ABCC5: variants seen among roughly 807,000 people sequenced by gnomAD.
ABCC5 encodes ATP-binding cassette sub-family C member 5.
In ABCC5, 61 loss-of-function variants were observed where a neutral mutation model predicts 160.9. The ratio of observed to expected loss-of-function variants is 0.38; its 90% CI spans 0.31 to 0.47. ABCC5 has a LOEUF of 0.47. ABCC5 is among the 20% of genes least tolerant of loss of function. The probability of loss-of-function intolerance (pLI) is 0.99; values close to 1 mark genes in which losing one functional copy is unlikely to be tolerated. For missense variants in ABCC5, 1,308 were observed against 1,813.3 expected, an observed-to-expected ratio of 0.72 and a Z score of 5.06; for synonymous variants, 666 against 700.6, an observed-to-expected ratio of 0.95 and a Z score of 0.78.
At chr3:183,995,619 T>C (rs939865290) in intron 2 of ABCC5, among the ~76,000 whole-genome samples, 1 of 152,204 alleles carries the variant, frequency 6.6e-6, no homozygotes, top group African/African-American at 2.4e-5. Flanking sequence ...TTCTAGACTC[T>C]ATTTCATTGA....
At position 184,017,611 on chromosome 3, in the gene ABCC5, T is replaced by C. The variant is rs1313687613; in HGVS notation, c.-56+219A>G. The stretch of plus-strand genomic sequence containing the variant: ...CTCATCCCGATCCTACCTGCCTGTC[T>C]TCCAGCACACGACCCCGTCACCAGA... On this transcript the variant is annotated intron_variant, in intron 1 of 29. Transcript: ENST00000334444. The surrounding 1 kb of genome is among the most constrained non-coding windows in gnomAD (Gnocchi z 4.5). Among the ~76,000 whole-genome samples the C allele has an allele frequency of 6.6e-6, 1 of 151,944 alleles. No homozygotes were observed. The highest frequency in any genetic ancestry group is 1.5e-5 in the Non-Finnish European group (1 of 67,966).
intron 17 of ABCC5, among the ~76,000 whole-genome samples, chr3:183,956,184 G>A (rs560922528): frequency 2.8e-5 from 4 of 143,130 alleles, no homozygotes; most frequent in East Asian, 2.2e-4. Flanking sequence ...ATGCAGATCC[G>A]TGTGTAAATC....
chr3:183,953,045 A>T, intron 18 of ABCC5, 41 bp downstream of exon 18: 1 of 1,564,478 alleles, frequency 6.4e-7, no homozygotes, highest in Non-Finnish European at 8.7e-7. Context: ...AAACGGCCAC[A>T]TTCTTAGACA....
intron 2 of ABCC5, among the ~76,000 whole-genome samples, chr3:184,009,735 T>G (rs1721541091): frequency 6.6e-6 from 1 of 152,370 alleles, no homozygotes; most frequent in East Asian, 1.9e-4. Flanking sequence ...ATGGGCTTAT[T>G]GTTGTTGTTT....
chr3:183,985,447 C>T (rs1576899563), intron 5 of ABCC5: 1 of 1,313,790 alleles, frequency 7.6e-7, no homozygotes, highest in Non-Finnish European at 1.1e-6. Context: ...CCTGACAGCA[C>T]CAAGCAAGCT....
rs935314979 is a variant in ABCC5 at position 184,017,627 on chromosome 3, C to T, written c.-56+203G>A. On this transcript the variant is annotated intron_variant, in intron 1 of 29. Transcript: ENST00000334444. This position sits in a 1 kb window ranked among gnomAD's most constrained non-coding sequence, Gnocchi z 4.5. ...CTGCCTGTCTTCCAGCACACGACCC[C>T]GTCACCAGACCCCGGGCTCACAGGC... Among the ~76,000 whole-genome samples the T allele has an allele frequency of 6.6e-6, 1 of 152,192 alleles. No individual in the cohort carries two copies.
intron 2 of ABCC5, among the ~76,000 whole-genome samples, chr3:184,001,724 T>C (rs1215514468): frequency 6.6e-6 from 1 of 152,264 alleles, no homozygotes; most frequent in Non-Finnish European, 1.5e-5. Context: ...AGTACTGATA[T>C]AGGCTGACCT....
intron 2 of ABCC5, among the ~76,000 whole-genome samples, chr3:183,997,693 A>G (rs534679666): frequency 6.6e-6 from 1 of 152,286 alleles, no homozygotes; most frequent in South Asian, 2.1e-4. Context: ...TTTCCCTTAC[A>G]TTCTACATAT....
chr3:183,977,944 G>C (rs1718368213), intron 9 of ABCC5, among the ~76,000 whole-genome samples: 1 of 152,090 alleles, frequency 6.6e-6, no homozygotes, highest in Non-Finnish European at 1.5e-5. Flanking sequence ...GTAGAGACAG[G>C]GTTTCACCAT....
At chr3:183,939,151 G>A (rs377029750) in intron 25 of ABCC5, among the ~76,000 whole-genome samples, 9 of 152,234 alleles carry the variant, frequency 5.9e-5, no homozygotes, top group Admixed American at 2.6e-4. Flanking sequence ...ACACTGCATT[G>A]GCCGGGCACG....
At chr3:184,001,922 CT>C (rs1369415474) in intron 2 of ABCC5, among the ~76,000 whole-genome samples, 1 of 152,144 alleles carries the variant, frequency 6.6e-6, no homozygotes, top group Non-Finnish European at 1.5e-5. Context: ...ACAGCAGCTG[CT>C]TTGTCTTAAA....
At chr3:183,966,607 C>G (rs1442663312) in intron 12 of ABCC5, among the ~76,000 whole-genome samples, 2 of 152,114 alleles carry the variant, frequency 1.3e-5, no homozygotes. Flanking sequence ...CCCCTCCCCC[C>G]ATCTCTGTCT....
chr3:183,972,405 C>T (rs191668159), intron 10 of ABCC5, among the ~76,000 whole-genome samples: 1 of 152,312 alleles, frequency 6.6e-6, no homozygotes, highest in East Asian at 1.9e-4. Flanking sequence ...GAGACTGTCA[C>T]AGGCTTACAT....
In ABCC5 at chr3:183,921,274, A is replaced by G; in HGVS notation, c.*26T>C. The G allele has an allele frequency of 7.2e-7, 1 of 1,390,620 alleles. No homozygotes were observed. Among genetic ancestry groups the G allele is most frequent in the Non-Finnish European group, 1.0e-6 (1 of 987,256 alleles). The allele number at this position is 1,390,620 out of a possible 1,614,324, so 86.1% of individuals were successfully genotyped here. A position where few individuals can be genotyped will look rare whatever the true frequency, so the allele number is the denominator to read the frequency against. Reference sequence around the variant, plus strand: ...GCAGGGAATGGCAATGCTCTAAAGAAAAGAGACTTCGTCAACAGGGAGGAG... The same window carrying G: ...GCAGGGAATGGCAATGCTCTAAAGAGAAGAGACTTCGTCAACAGGGAGGAG... On this transcript the variant is annotated 3_prime_UTR_variant, in exon 30 of 30. Coordinates refer to ENST00000334444, the MANE Select transcript of ABCC5 (RefSeq NM_005688.4). This position sits in a 1 kb window ranked among gnomAD's most constrained non-coding sequence, Gnocchi z 4.1.
At chr3:183,948,889 A>G (rs933887155) in intron 22 of ABCC5, among the ~76,000 whole-genome samples, 5 of 151,860 alleles carry the variant, frequency 3.3e-5, no homozygotes, top group Non-Finnish European at 5.9e-5. Flanking sequence ...ATTTTAGTAG[A>G]GACAAGGTTC....
At chr3:184,011,762 A>T (rs1721764682) in intron 2 of ABCC5, among the ~76,000 whole-genome samples, 1 of 152,226 alleles carries the variant, frequency 6.6e-6, no homozygotes, top group African/African-American at 2.4e-5. Flanking sequence ...TTAGATGGCT[A>T]TCAAGGGAGT....
chr3:183,995,900 C>A (rs546912165), intron 2 of ABCC5, among the ~76,000 whole-genome samples: 24 of 152,128 alleles, frequency 1.6e-4, no homozygotes, highest in Admixed American at 1.3e-3. Context: ...CTCCGCCTCC[C>A]GGGTTCACTC....
At chr3:183,978,967 T>C (rs566878985) in intron 8 of ABCC5, among the ~76,000 whole-genome samples, 1 of 152,334 alleles carries the variant, frequency 6.6e-6, no homozygotes, top group East Asian at 1.9e-4. Flanking sequence ...GGCAGTTGTG[T>C]TTGCTTACCT....
intron 24 of ABCC5, 117 bp from the exon 25 acceptor site, chr3:183,943,033 C>T: frequency 1.0e-6 from 1 of 991,468 alleles, no homozygotes; most frequent in Non-Finnish European, 1.5e-6. Flanking sequence ...GTAGCTGCCA[C>T]CCTGTCACCT....
Sources: gnomAD v4.1 joint callset for allele counts (sites outside exome capture counted in the v4.1 genomes callset) on GRCh38, gnomAD v4.1.1 for gene constraint, Gnocchi (gnomAD v3.1) non-coding constraint, MANE v1.5 for transcripts, NCBI Gene and HGNC (gene_info 2026-07-23, HGNC 2026-07-21) for gene names.